Variants in MYCBP2 observed in about 807,000 individuals in gnomAD.
The protein encoded by MYCBP2 is MYC binding protein 2.
MYCBP2 carries 120 observed loss-of-function variants against 525.3 expected under a neutral mutation model. The ratio of observed to expected loss-of-function variants is 0.23; its 90% CI spans 0.20 to 0.27. The LOEUF is 0.27. MYCBP2 is among the 10% of genes least tolerant of loss of function. The pLI, the probability that MYCBP2 is intolerant of heterozygous loss-of-function variation, is 1.00. For missense variants in MYCBP2, 4,149 were observed against 5,657.1 expected (o/e 0.73, Z 8.55); for synonymous variants, 1,894 against 1,955.8 (o/e 0.97, Z 0.83).
chr13:77,253,077 A>G (rs1167959337), intron 14 of MYCBP2, among the ~76,000 whole-genome samples: 1 of 152,038 alleles, frequency 6.6e-6, no homozygotes, highest in Non-Finnish European at 1.5e-5. Flanking sequence ...AAATTTTAAA[A>G]TTATACATAA....
At chr13:77,067,235 AACTTT>A (rs1459086637) in intron 71 of MYCBP2, among the ~76,000 whole-genome samples, 4 of 152,168 alleles carry the variant, frequency 2.6e-5, no homozygotes, top group African/African-American at 9.7e-5. Context: ...AGTTGACCTG[AACTTT>A]ACTTTATTCC....
chr13:77,076,700 A>C (rs181475522), intron 68 of MYCBP2, 51 bp downstream of exon 68: 742 of 1,157,658 alleles, frequency 6.4e-4, no homozygotes, highest in Non-Finnish European at 7.7e-4. Flanking sequence ...TATTTCACTG[A>C]AAAAAAGAAT....
chr13:77,099,066 T>C (rs771373945), intron 55 of MYCBP2, 53 bp from the exon 56 acceptor site: 4 of 1,580,616 alleles, frequency 2.5e-6, no homozygotes, highest in Non-Finnish European at 3.4e-6. Flanking sequence ...AACTTACTGA[T>C]AATTTAGCCA....
chr13:77,118,141 C>G (rs2050094788), intron 55 of MYCBP2, among the ~76,000 whole-genome samples: 2 of 152,090 alleles, frequency 1.3e-5, no homozygotes, highest in South Asian at 4.1e-4. Context: ...TGCATATGAA[C>G]TTTAAATCAA....
intron 68 of MYCBP2, among the ~76,000 whole-genome samples, chr13:77,073,039 A>C (rs1202661399): frequency 6.6e-6 from 1 of 152,198 alleles, no homozygotes; most frequent in Non-Finnish European, 1.5e-5. Flanking sequence ...TTTAAAGCAT[A>C]GAATTCAATG....
chr13:77,158,538 G>C (rs2154201133), intron 44 of MYCBP2, among the ~76,000 whole-genome samples: 2 of 152,238 alleles, frequency 1.3e-5, no homozygotes, highest in Admixed American at 1.3e-4. Context: ...AACCTCCTGG[G>C]CTCAAGCGAT....
chr13:77,202,642 T>A (rs982125362), intron 26 of MYCBP2, among the ~76,000 whole-genome samples: 3 of 151,868 alleles, frequency 2.0e-5, no homozygotes, highest in African/African-American at 7.3e-5. Context: ...GCAAAAATCC[T>A]CAATAAAATA....
intron 22 of MYCBP2, among the ~76,000 whole-genome samples, chr13:77,211,563 G>A (rs571743650): frequency 1.3e-5 from 2 of 152,142 alleles, no homozygotes; most frequent in East Asian, 3.9e-4. Flanking sequence ...CAGTATCATG[G>A]ACACAGTACA....
intron 26 of MYCBP2, among the ~76,000 whole-genome samples, chr13:77,202,625 C>T (rs916700737): frequency 4.6e-5 from 7 of 151,824 alleles, no homozygotes; most frequent in African/African-American, 1.5e-4. Flanking sequence ...CCTTGATGAA[C>T]ATTGATGCAA....
rs778554347 is a variant in MYCBP2, at chr13:77,174,504, T to C, written c.5473-15A>G. 1.4e-5 allele frequency: 22 copies of C among 1,607,014 alleles called. 2 individuals are homozygous for C. In the South Asian group the frequency reaches 2.3e-4, roughly 17 times the overall value. On this transcript the variant is annotated splice_polypyrimidine_tract_variant and intron_variant, in intron 36 of 82. Transcript: ENST00000544440. ...TTAACATTTTCCTTCATTATAAAGA[T>C]GTAAAACATCTTTTATTCACAATGT...
chr13:77,089,638 C>G (rs968507735), intron 60 of MYCBP2, among the ~76,000 whole-genome samples: 1 of 150,284 alleles, frequency 6.7e-6, no homozygotes, highest in Non-Finnish European at 1.5e-5. Flanking sequence ...TGGTCCAGAT[C>G]ATGTAACTGT....
chr13:77,125,253 T>G, intron 54 of MYCBP2, 83 bp downstream of exon 54: 1 of 1,497,530 alleles, frequency 6.7e-7, no homozygotes, highest in Non-Finnish European at 9.0e-7. Flanking sequence ...AAAAACTCTT[T>G]AAAACAAAAG....
chr13:77,187,817 C>T (rs529608572), intron 30 of MYCBP2, among the ~76,000 whole-genome samples: 6 of 151,710 alleles, frequency 4.0e-5, no homozygotes, highest in South Asian at 2.1e-4. Flanking sequence ...GAGGCCGAGG[C>T]GGGTGGGTCA....
intron 49 of MYCBP2, among the ~76,000 whole-genome samples, chr13:77,143,332 G>C (rs1206256499): frequency 6.6e-6 from 1 of 152,088 alleles, no homozygotes; most frequent in Non-Finnish European, 1.5e-5. Context: ...CAATCAGCTG[G>C]GGACACAGAG....
chr13:77,291,605 T>G (rs2077480903), intron 2 of MYCBP2, among the ~76,000 whole-genome samples: 1 of 152,112 alleles, frequency 6.6e-6, no homozygotes, highest in East Asian at 1.9e-4. Flanking sequence ...CCGTCTCTAC[T>G]AAAAATACAA....
intron 20 of MYCBP2, among the ~76,000 whole-genome samples, chr13:77,220,748 T>G (rs1227407549): frequency 6.6e-6 from 1 of 152,198 alleles, no homozygotes; most frequent in Non-Finnish European, 1.5e-5. Context: ...AACTCCTTTC[T>G]GAATTAATAA....
intron 32 of MYCBP2, among the ~76,000 whole-genome samples, 188 bp from the exon 33 acceptor site, chr13:77,182,110 T>C (rs1309803724): frequency 2.0e-5 from 3 of 152,192 alleles, no homozygotes; most frequent in Admixed American, 2.0e-4. Flanking sequence ...TAAGTTTCTA[T>C]TCAATGAAGA....
chr13:77,262,078 G>A lies in MYCBP2; in HGVS notation c.1622C>T (p.Ala541Val), dbSNP rs780130624. Residue 541 changes from alanine to valine, a missense_variant, in exon 11 of 83, where the codon GCG (alanine) becomes GTG (valine). Physicochemically the swap from Ala to Val is moderately conservative, Grantham distance 64 (BLOSUM62 0). Transcript: ENST00000544440. ...CTTTCCATTTGCTGTTTTCATTAGCGCAAACTCTCGTCCTGCACCAAGAAT... is the reference window on the plus strand; with the variant it reads ...CTTTCCATTTGCTGTTTTCATTAGCACAAACTCTCGTCCTGCACCAAGAAT... The part of the protein sequence containing the change: ...SAILGAGREF[A>V]LMKTANGKIY... The A allele has an allele frequency of 5.6e-6, 9 of 1,610,114 alleles. No homozygotes were observed. The highest frequency in any genetic ancestry group is 1.1e-5 in the South Asian group (1 of 90,616).
intron 2 of MYCBP2, among the ~76,000 whole-genome samples, chr13:77,294,011 T>A (rs1475031809): frequency 6.7e-6 from 1 of 149,346 alleles, no homozygotes; most frequent in Non-Finnish European, 1.5e-5. Context: ...GACTGGTATC[T>A]AACCTGGGTA....
Sources: allele counts gnomAD v4.1 joint callset (sites outside exome capture counted in the v4.1 genomes callset), GRCh38; gene constraint gnomAD v4.1.1; transcripts MANE v1.5; gene names NCBI Gene and HGNC (gene_info 2026-07-23, HGNC 2026-07-21).